Variants in PRC1 observed in about 807,000 individuals in gnomAD.
The protein encoded by PRC1 is protein regulator of cytokinesis 1.
A neutral mutation model predicts 91.2 loss-of-function variants in PRC1; 54 were observed. That is an observed-to-expected ratio of 0.59 (90% confidence interval 0.48 to 0.74). The LOEUF is 0.74. PRC1 is among the 30% of genes least tolerant of loss of function. The probability of loss-of-function intolerance (pLI) is 0.00; values close to 1 mark genes in which losing one functional copy is unlikely to be tolerated. For missense variants in PRC1, 727 were observed against 746.2 expected (o/e 0.97, Z 0.30); for synonymous variants, 275 against 263.6 (o/e 1.04, Z -0.42).
Position 90,966,736 on chromosome 15 carries a change from TGTTA to T in PRC1, c.*391_*394del. The T allele has an allele frequency of 9.0e-6, 4 of 445,190 alleles. No individual in the cohort carries two copies. The highest frequency in any genetic ancestry group is 6.4e-5 in the South Asian group (4 of 62,440). The allele number at this position is 445,190 out of a possible 1,614,324, so 27.6% of individuals were successfully genotyped here. A position where few individuals can be genotyped will look rare whatever the true frequency, so the allele number is the denominator to read the frequency against. ...ATTGAACATGCCTAAACAAAAAAGA[TGTTA>T]ATTACTAGTTACAGGTATACATGCC... On this transcript the variant is annotated 3_prime_UTR_variant, in exon 15 of 15. Coordinates refer to ENST00000394249, the MANE Select transcript of PRC1 (RefSeq NM_003981.4).
intron 14 of PRC1, chr15:90,968,742 G>T (rs2037771275): frequency 8.7e-7 from 1 of 1,149,846 alleles, no homozygotes; most frequent in Non-Finnish European, 1.1e-6. Context: ...CACAGCTGGG[G>T]CTCCCTTCCC....
At chr15:90,972,220 A>C (rs1366290126) in intron 11 of PRC1, among the ~76,000 whole-genome samples, 3 of 150,364 alleles carry the variant, frequency 2.0e-5, no homozygotes, top group Non-Finnish European at 3.0e-5. Context: ...CCAACAAAAA[A>C]AAAAACCCCA....
chr15:90,969,612 A>G lies in PRC1; in HGVS notation c.1584T>C (p.Ala528=). 1 of 1,598,072 alleles carries G rather than the reference A, an allele frequency of 6.3e-7. No individual in the cohort carries two copies. The highest frequency in any genetic ancestry group is 8.5e-7 in the Non-Finnish European group (1 of 1,172,244). ...LPPSGSKPVA[A]STCSGKKTPR... ...GTGTTTTCTTCCCTGAACAGGTGGA[A>G]GCAGCGACTGGCTGCAGAGAAAGGA... Residue 528 remains alanine, a synonymous_variant, in exon 13 of 15, where the codon GCT becomes GCC. Coordinates refer to ENST00000394249, the MANE Select transcript of PRC1 (RefSeq NM_003981.4).
chr15:90,967,131 T>C lies in PRC1; in HGVS notation c.1863A>G (p.Ter621TrpextTer14). 6.2e-7 allele frequency: 1 copy of C among 1,613,416 alleles called. No individual in the cohort carries two copies. The highest frequency in any genetic ancestry group is 8.5e-7 in the Non-Finnish European group (1 of 1,179,344). ...GILNSTNIQS[*>W] is the part of the protein sequence containing the mutation. The stretch of plus-strand genomic sequence containing the variant: ...CAGCTGGTTGACTGATCAGGGCTTC[T>C]CAGGACTGGATGTTGGTTGAATTGA... The change falls in exon 15 of 15, where the codon TGA becomes TGG. Residue 621 changes from the stop codon to tryptophan (W), a stop_lost. Transcript: ENST00000394249.
At chr15:90,975,145 G>A (rs988433803) in intron 9 of PRC1, among the ~76,000 whole-genome samples, 4 of 152,130 alleles carry the variant, frequency 2.6e-5, no homozygotes, top group Non-Finnish European at 4.4e-5. Context: ...TCACTCTGTC[G>A]CCCAGGCTAG....
chr15:90,982,070 G>A (rs755192008), intron 3 of PRC1, 89 bp from the exon 4 acceptor site: 1 of 1,206,136 alleles, frequency 8.3e-7, no homozygotes, highest in South Asian at 1.4e-5. Flanking sequence ...GTGGATGACA[G>A]ACTTTCAGTT....
chr15:90,972,482 G>A (rs1273609364), intron 11 of PRC1, among the ~76,000 whole-genome samples: 1 of 152,138 alleles, frequency 6.6e-6, no homozygotes, highest in East Asian at 1.9e-4. Context: ...AGTGGCTCAC[G>A]CCTGTAATCC....
chr15:90,993,458 G>C (rs1046204794), intron 1 of PRC1, among the ~76,000 whole-genome samples: 2 of 152,138 alleles, frequency 1.3e-5, no homozygotes, highest in African/African-American at 2.4e-5. Flanking sequence ...TAAAAAGACT[G>C]ATCAGAATTA....
At position 90,969,505 on chromosome 15, in the gene PRC1, G is replaced by A. The variant is rs2037860209; in HGVS notation, c.1691C>T (p.Ala564Val). ...AATGCTGAAGTTGCGCTGGAGGGGGGCCGAGCCAGGGTACCCACCACTCAG... is the reference window on the plus strand; with the variant it reads ...AATGCTGAAGTTGCGCTGGAGGGGGACCGAGCCAGGGTACCCACCACTCAG... ...SILSGGYPGS[A>V]PLQRNFSINS... The change falls in exon 13 of 15, where the codon GCC becomes GTC. Residue 564 changes from alanine (A) to valine (V), a missense_variant. By Grantham distance (64) the Ala-to-Val change is moderately conservative (BLOSUM62 0). Transcript: ENST00000394249. The A allele has an allele frequency of 1.2e-6, 2 of 1,612,744 alleles. No homozygotes were observed. Among genetic ancestry groups the A allele is most frequent in the Non-Finnish European group, 1.7e-6 (2 of 1,179,314 alleles).
rs1318507932 is a variant in PRC1, at chr15:90,984,755, G to A, written c.82C>T (p.Leu28=). ...CGCTGGTCCTCTGGAATCCCAATTA[G>A]CTCCCATATTTCCCGAAGGTGATTT... ...ALNHLREIWE[L]IGIPEDQRLQ... The change falls in exon 2 of 15, where the codon CTA becomes TTA. Residue 28 remains leucine (L), a synonymous_variant. Coordinates refer to ENST00000394249, the MANE Select transcript of PRC1 (RefSeq NM_003981.4). This position sits in a 1 kb window ranked among gnomAD's most constrained non-coding sequence, Gnocchi z 5.1. 5 of 1,613,964 alleles carry A rather than the reference G, an allele frequency of 3.1e-6. No homozygotes were observed. In the African/African-American group the frequency reaches 6.7e-5, roughly 22 times the overall value.
At chr15:90,967,415 A>AC in intron 14 of PRC1, 1 of 558,004 alleles carries the variant, frequency 1.8e-6, no homozygotes, top group South Asian at 2.2e-5. Context: ...CATGCCCGTG[A>AC]CCCCTTTTTC....
chr15:90,991,946 C>T (rs1742977007), intron 1 of PRC1, among the ~76,000 whole-genome samples: 1 of 152,190 alleles, frequency 6.6e-6, no homozygotes, highest in African/African-American at 2.4e-5. Context: ...CTATGGAGCC[C>T]CATTCCATCT....
Position 90,972,942 on chromosome 15 carries a change from C to T in PRC1, c.1461+1194G>A, listed in dbSNP as rs118025160. The T allele has an allele frequency of 1.1e-3, 168 of 152,434 alleles. 1 individual carries two copies. The highest frequency in any genetic ancestry group is 1.9e-3 in the Non-Finnish European group (131 of 68,120). The allele number at this position is 152,434 out of a possible 1,614,324, so 9.4% of individuals were successfully genotyped here. ...CAGAATGTTGGCAATCATTCCCCCA[C>T]CGCACCCCGAATTTAATGCAAGGAC... On this transcript the variant is annotated intron_variant, in intron 11 of 14. Coordinates refer to ENST00000394249, the MANE Select transcript of PRC1 (RefSeq NM_003981.4).
chr15:90,981,192 T>A, intron 5 of PRC1, 159 bp from the exon 6 acceptor site: 1 of 981,088 alleles, frequency 1.0e-6, no homozygotes, highest in Non-Finnish European at 1.5e-6. Context: ...GCTGTAAGGC[T>A]GTCGGGATCT....
intron 13 of PRC1, 109 bp downstream of exon 13, chr15:90,969,338 T>A: frequency 7.1e-7 from 1 of 1,400,638 alleles, no homozygotes; most frequent in South Asian, 1.3e-5. Flanking sequence ...ATTCTCAGCC[T>A]CCAAGGTAGC....
At chr15:90,987,876 C>T (rs1050215688) in intron 1 of PRC1, 3 of 152,210 alleles carry the variant, frequency 2.0e-5, no homozygotes, top group Non-Finnish European at 2.9e-5. Context: ...AATACATTCA[C>T]ATCCAAAATA....
At chr15:90,980,129 T>C in intron 7 of PRC1, 113 bp downstream of exon 7, 1 of 1,353,726 alleles carries the variant, frequency 7.4e-7, no homozygotes, top group South Asian at 1.9e-5. Flanking sequence ...CCCAACACTT[T>C]GGGAGGCCAA....
rs1236437436 is a variant in PRC1 at position 90,994,448 on chromosome 15, G to C, written c.-31C>G. 1 of 1,607,702 alleles carries C rather than the reference G, an allele frequency of 6.2e-7. No individual in the cohort carries two copies. Among genetic ancestry groups the C allele is most frequent in the African/African-American group, 1.3e-5 (1 of 74,430 alleles). On this transcript the variant is annotated 5_prime_UTR_variant, in exon 1 of 15. Transcript: ENST00000394249. ...ACGCTCCAAGCAGCCGTGAGTCCAG[G>C]TCCAGACCTACTCCACACGGCCCCG...
intron 9 of PRC1, among the ~76,000 whole-genome samples, chr15:90,975,018 AG>A (rs2038547301): frequency 6.6e-6 from 1 of 152,248 alleles, no homozygotes; most frequent in African/African-American, 2.4e-5. Context: ...AATATGAAAT[AG>A]GCGGTGAACA....
Sources: gnomAD v4.1 joint callset for allele counts (sites outside exome capture counted in the v4.1 genomes callset) on GRCh38, gnomAD v4.1.1 for gene constraint, Gnocchi (gnomAD v3.1) non-coding constraint, MANE v1.5 for transcripts, NCBI Gene and HGNC (gene_info 2026-07-23, HGNC 2026-07-21) for gene names.